The following NTN4 variants were observed in gnomAD, a reference collection of about 807,000 sequenced individuals.
The protein encoded by NTN4 is netrin 4.
NTN4 carries 32 observed loss-of-function variants against 73.6 expected under a neutral mutation model. The ratio of observed to expected loss-of-function variants is 0.44; its 90% CI spans 0.33 to 0.58. NTN4 has a LOEUF of 0.58. Ranked by LOEUF, NTN4 falls within the 20% of genes least tolerant of loss-of-function variation. The probability of loss-of-function intolerance (pLI) is 0.04; values close to 1 mark genes in which losing one functional copy is unlikely to be tolerated. For missense variants in NTN4, 654 were observed against 798.3 expected (o/e 0.82, Z 2.18); for synonymous variants, 258 against 287.5 (o/e 0.90, Z 1.04).
chr12:95,694,777 T>C (rs1451207153), intron 5 of NTN4, among the ~76,000 whole-genome samples: 2 of 152,186 alleles, frequency 1.3e-5, no homozygotes, highest in African/African-American at 2.4e-5. Flanking sequence ...TGCAATGTTA[T>C]ATACATTACG....
chr12:95,776,906 A>G (rs1332865111), intron 2 of NTN4, among the ~76,000 whole-genome samples: 2 of 152,226 alleles, frequency 1.3e-5, no homozygotes, highest in Non-Finnish European at 2.9e-5. Flanking sequence ...AAGAGCAGCC[A>G]GAGAGAAAGG....
In NTN4 at chr12:95,700,052, T is replaced by C. The variant is rs184400273; in HGVS notation, c.1180+10389A>G. Among the ~76,000 whole-genome samples, 212 of 149,556 alleles carry C rather than the reference T, an allele frequency of 1.4e-3. 3 individuals carry two copies. The highest frequency in any genetic ancestry group is 2.5e-3 in the Non-Finnish European group (170 of 67,504). On this transcript the variant is annotated intron_variant, in intron 5 of 9. Coordinates refer to ENST00000343702, the MANE Select transcript of NTN4 (RefSeq NM_021229.4). ...ACAGGCATTTCTTTAAACACCTGTT[T>C]CAAACAGTGTATTCTTCTAAAGTGA...
intron 5 of NTN4, among the ~76,000 whole-genome samples, chr12:95,699,207 C>A (rs982751399): frequency 1.3e-5 from 2 of 152,124 alleles, no homozygotes; most frequent in Non-Finnish European, 2.9e-5. Flanking sequence ...AATGAACTCA[C>A]GTGACTTTGC....
In NTN4 at chr12:95,761,688, A is replaced by G. The variant is rs891287268; in HGVS notation, c.586-23544T>C. ...TCAAAAGACATTAGAAGAGTCACCT[A>G]GGTTGTCTAATTTACCTACAAAACC... On this transcript the variant is annotated intron_variant, in intron 2 of 9. Transcript: ENST00000343702. Among the ~76,000 whole-genome samples the G allele has an allele frequency of 6.6e-5, 10 of 152,314 alleles. 1 individual carries two copies. In the South Asian group the frequency reaches 2.1e-3, roughly 32 times the overall value.
intron 3 of NTN4, among the ~76,000 whole-genome samples, chr12:95,715,640 G>T (rs1326313200): frequency 6.6e-6 from 1 of 152,078 alleles, no homozygotes; most frequent in East Asian, 1.9e-4. Context: ...AATTTTGAGA[G>T]CTGCAGGAAT....
At chr12:95,665,575 G>A (rs1287033410) in intron 9 of NTN4, 1 of 330,860 alleles carries the variant, frequency 3.0e-6, no homozygotes, top group Non-Finnish European at 5.4e-6. Context: ...TTTTAGGATA[G>A]AGAGTATTAT....
At position 95,789,333 on chromosome 12, in the gene NTN4, G is replaced by A. The variant is rs574961059; in HGVS notation, c.55+922C>T. Among the ~76,000 whole-genome samples the A allele has an allele frequency of 2.0e-5, 3 of 152,258 alleles. No individual in the cohort carries two copies. The East Asian group carries it at 5.8e-4, about 29-fold the overall frequency. On this transcript the variant is annotated intron_variant, in intron 1 of 9. Coordinates refer to ENST00000343702, the MANE Select transcript of NTN4 (RefSeq NM_021229.4). This position sits in a 1 kb window ranked among gnomAD's most constrained non-coding sequence, Gnocchi z 4.0. ...ACCAGCGCATCCCTCTAGCCCAGGC[G>A]CCCCTTTCTGAAGCAGTCAAGATCC...
chr12:95,669,381 G>T (rs1414663071), intron 8 of NTN4, among the ~76,000 whole-genome samples: 1 of 152,098 alleles, frequency 6.6e-6, no homozygotes, highest in Non-Finnish European at 1.5e-5. Flanking sequence ...AAAGATAGGG[G>T]TATCTAGAGT....
intron 2 of NTN4, among the ~76,000 whole-genome samples, chr12:95,746,570 C>T (rs937506536): frequency 1.3e-5 from 2 of 152,180 alleles, no homozygotes; most frequent in African/African-American, 4.8e-5. Context: ...CTCTCTCTGG[C>T]CTCAGGTAGT....
chr12:95,774,187 A>T (rs530765357), intron 2 of NTN4, among the ~76,000 whole-genome samples: 9,944 of 86,528 alleles, frequency 0.11, 917 homozygotes, highest in African/African-American at 0.29. Flanking sequence ...TTTTTTTTTT[A>T]AAAAAAAAAG....
chr12:95,725,626 T>A (rs1374696469), intron 3 of NTN4, among the ~76,000 whole-genome samples: 2 of 152,176 alleles, frequency 1.3e-5, no homozygotes, highest in African/African-American at 4.8e-5. Context: ...AAAGTTGACA[T>A]GTTTAAGATA....
At chr12:95,741,714 C>T (rs1006513353) in intron 2 of NTN4, among the ~76,000 whole-genome samples, 2 of 149,160 alleles carry the variant, frequency 1.3e-5, no homozygotes, top group African/African-American at 4.9e-5. Flanking sequence ...TAAAATAGAA[C>T]AACGAAAAAT....
chr12:95,734,609 C>T (rs2078761751), intron 3 of NTN4, among the ~76,000 whole-genome samples: 1 of 152,226 alleles, frequency 6.6e-6, no homozygotes, highest in African/African-American at 2.4e-5. Context: ...AGTTCTTCTA[C>T]AGCCGTGTAC....
intron 2 of NTN4, among the ~76,000 whole-genome samples, chr12:95,777,455 G>A (rs1038824892): frequency 6.6e-6 from 1 of 152,162 alleles, no homozygotes; most frequent in Non-Finnish European, 1.5e-5. Context: ...CATATAAAGG[G>A]ATGGAGGAAG....
chr12:95,745,284 T>C (rs1016183465), intron 2 of NTN4, among the ~76,000 whole-genome samples: 1 of 152,186 alleles, frequency 6.6e-6, no homozygotes, highest in Non-Finnish European at 1.5e-5. Flanking sequence ...TCCAACTACA[T>C]GTACCAAATT....
intron 8 of NTN4, among the ~76,000 whole-genome samples, chr12:95,669,729 A>C (rs945654376): frequency 6.6e-6 from 1 of 152,246 alleles, no homozygotes; most frequent in Non-Finnish European, 1.5e-5. Context: ...CACAAGAGTC[A>C]CTGAAGTGGC....
rs59083360 is a variant in NTN4, at chr12:95,678,349, TAA to T, written c.1510+4356_1510+4357del. ...TGCACATGTATCCTAGAACTTAAAG[TAA>T]AAAAAAAAAAAAAAAAAGAATAGTT... On this transcript the variant is annotated intron_variant, in intron 7 of 9. Coordinates refer to ENST00000343702, the MANE Select transcript of NTN4 (RefSeq NM_021229.4). Among the ~76,000 whole-genome samples, 79 of 110,920 alleles carry T rather than the reference TAA, an allele frequency of 7.1e-4. 1 individual carries two copies. The highest frequency in any genetic ancestry group is 1.3e-3 in the Admixed American group (14 of 10,934). 72.8% of individuals were successfully genotyped at this position (110,920 alleles called of 152,430 possible).
chr12:95,783,083 TA>T (rs2079144226), intron 2 of NTN4, among the ~76,000 whole-genome samples: 2 of 152,212 alleles, frequency 1.3e-5, no homozygotes, highest in African/African-American at 4.8e-5. Flanking sequence ...CTGCTCCAAC[TA>T]ATAGGAGGCT....
Position 95,658,108 on chromosome 12 carries a change from A to G in NTN4, c.*978T>C, listed in dbSNP as rs950545079. On this transcript the variant is annotated 3_prime_UTR_variant, in exon 10 of 10. Coordinates refer to ENST00000343702, the MANE Select transcript of NTN4 (RefSeq NM_021229.4). Reference sequence around the variant, plus strand: ...TACTGTTAAGAAAGACAAGGAGGAAAACTGTTTCAATGTTCAGGTTTAAAT... The same window carrying G: ...TACTGTTAAGAAAGACAAGGAGGAAGACTGTTTCAATGTTCAGGTTTAAAT... 6.6e-6 allele frequency: 1 copy of G among 152,280 alleles called. No homozygotes were observed. Among genetic ancestry groups the G allele is most frequent in the African/African-American group, 2.4e-5 (1 of 41,448 alleles). 9.4% of individuals were successfully genotyped at this position (152,280 alleles called of 1,614,324 possible). A position where few individuals can be genotyped will look rare whatever the true frequency, so the allele number is the denominator to read the frequency against.
Sources: allele counts gnomAD v4.1 joint callset (sites outside exome capture counted in the v4.1 genomes callset), GRCh38; gene constraint gnomAD v4.1.1; non-coding constraint Gnocchi (gnomAD v3.1); transcripts MANE v1.5; gene names NCBI Gene and HGNC (gene_info 2026-07-23, HGNC 2026-07-21).